The following MAOB variants were observed in gnomAD, a reference collection of about 807,000 sequenced individuals.
MAOB encodes amine oxidase [flavin-containing] B.
In MAOB, 15 loss-of-function variants were observed where a neutral mutation model predicts 41.9. The observed-to-expected ratio is 0.36, with a 90% confidence interval of 0.24 to 0.55. MAOB has a LOEUF of 0.55. MAOB is among the 20% of genes least tolerant of loss of function. The probability of loss-of-function intolerance (pLI) is 0.86; values close to 1 mark genes in which losing one functional copy is unlikely to be tolerated. For synonymous variants in MAOB, 167 were observed against 144.2 expected, an observed-to-expected ratio of 1.16 and a Z score of -1.13; for missense variants, 345 against 398.7, an observed-to-expected ratio of 0.87 and a Z score of 1.15.
In MAOB at chrX:43,836,208, T is replaced by C. The variant is rs999058673; in HGVS notation, c.279+2660A>G. The stretch of plus-strand genomic sequence containing the variant: ...TTTCTCAACTACATTCTCTAGTATG[T>C]GGTAGGAGAAAGAATGTCGAAGTTC... On this transcript the variant is annotated intron_variant, in intron 3 of 14. Transcript: ENST00000378069. Among the ~76,000 whole-genome samples the C allele has an allele frequency of 2.7e-5, 3 of 111,722 alleles. No homozygotes were observed. In the Admixed American group the frequency reaches 2.9e-4, roughly 11 times the overall value.
At chrX:43,820,503 T>C (rs901468856) in intron 3 of MAOB, among the ~76,000 whole-genome samples, 5 of 112,201 alleles carry the variant, frequency 4.5e-5, no homozygotes, top group Non-Finnish European at 9.4e-5. Flanking sequence ...CCAAATACAA[T>C]AGCATTTACA....
intron 11 of MAOB, 121 bp from the exon 12 acceptor site, chrX:43,775,393 C>T: frequency 9.5e-7 from 1 of 1,054,461 alleles, no homozygotes; most frequent in East Asian, 3.8e-5. Context: ...AATAGAGTTG[C>T]ATTATCCTGA....
chrX:43,775,055 G>GTTT (rs373072993), intron 12 of MAOB, 120 bp downstream of exon 12: 203 of 616,172 alleles, frequency 3.3e-4, no homozygotes, highest in Middle Eastern at 1.2e-3. Flanking sequence ...AAATTGGGTT[G>GTTT]TTTTTTTTTT....
chrX:43,777,117 C>T (rs1459721463), intron 11 of MAOB, among the ~76,000 whole-genome samples: 1 of 111,301 alleles, frequency 9.0e-6, no homozygotes, highest in African/African-American at 3.3e-5. Flanking sequence ...TAAACTAGTT[C>T]AACCACTGTG....
chrX:43,849,033 T>C (rs2035230954), intron 1 of MAOB, among the ~76,000 whole-genome samples: 1 of 111,948 alleles, frequency 8.9e-6, no homozygotes, highest in African/African-American at 3.3e-5. Flanking sequence ...ATATCACCAA[T>C]TTGACATCAA....
chrX:43,814,867 A>G (rs2034789724), intron 3 of MAOB, among the ~76,000 whole-genome samples: 1 of 111,999 alleles, frequency 8.9e-6, no homozygotes, highest in Admixed American at 9.5e-5. Flanking sequence ...AAATTAATTT[A>G]TTCTGAAAAA....
intron 1 of MAOB, among the ~76,000 whole-genome samples, chrX:43,872,210 C>T (rs1164541265): frequency 1.8e-5 from 2 of 111,756 alleles, no homozygotes; most frequent in African/African-American, 3.2e-5. Flanking sequence ...GTAGGCATAA[C>T]GTAGTAATTG....
intron 3 of MAOB, among the ~76,000 whole-genome samples, chrX:43,815,800 A>G (rs993532236): frequency 8.9e-6 from 1 of 111,841 alleles, no homozygotes; most frequent in African/African-American, 3.3e-5. Context: ...CCTTTGGAAA[A>G]CTGGCAGTAC....
chrX:43,881,354 A>G (rs960716169), intron 1 of MAOB, among the ~76,000 whole-genome samples: 2 of 113,118 alleles, frequency 1.8e-5, no homozygotes, highest in African/African-American at 6.4e-5. Flanking sequence ...TGTCCTAATT[A>G]CTGCTCAAGT....
In MAOB at chrX:43,882,246, C is replaced by T; in HGVS notation, c.46+8G>A. ...GAAGAGGAAGGAGGGCGCACAGCCG[C>T]GACTAACCTGAGATGCCGCCCCCCA... On this transcript the variant is annotated splice_region_variant and intron_variant, in intron 1 of 14. Coordinates refer to ENST00000378069, the MANE Select transcript of MAOB (RefSeq NM_000898.5). 2 of 1,209,249 alleles carry T rather than the reference C, an allele frequency of 1.7e-6. No homozygotes were observed. The highest frequency in any genetic ancestry group is 2.2e-6 in the Non-Finnish European group (2 of 894,434).
At chrX:43,838,799 A>G in intron 3 of MAOB, 69 bp downstream of exon 3, 1 of 995,511 alleles carries the variant, frequency 1.0e-6, no homozygotes, top group Non-Finnish European at 1.3e-6. Flanking sequence ...TGAGAGAATG[A>G]TCTGGAATTT....
chrX:43,825,173 C>T (rs935582002), intron 3 of MAOB, among the ~76,000 whole-genome samples: 13 of 111,564 alleles, frequency 1.2e-4, no homozygotes, highest in African/African-American at 3.9e-4. Context: ...GTATTTACAC[C>T]GTGCAAAATC....
intron 1 of MAOB, among the ~76,000 whole-genome samples, chrX:43,864,565 A>T (rs1266885095): frequency 8.9e-6 from 1 of 111,790 alleles, no homozygotes; most frequent in Non-Finnish European, 1.9e-5. Context: ...TGATGAGTGG[A>T]TTTATTCCTG....
At chrX:43,803,435 A>C in intron 3 of MAOB, 31 bp from the exon 4 acceptor site, 3 of 1,159,745 alleles carry the variant, frequency 2.6e-6, no homozygotes, top group Non-Finnish European at 3.4e-6. Context: ...TTAAAAGGAA[A>C]TATTTACTAC....
At chrX:43,785,482 T>C (rs193032532) in intron 8 of MAOB, among the ~76,000 whole-genome samples, 1 of 112,960 alleles carries the variant, frequency 8.9e-6, no homozygotes, top group East Asian at 2.8e-4. Flanking sequence ...TGTTTCACTT[T>C]CTTATCATTC....
chrX:43,784,695 T>C (rs1365864802), intron 8 of MAOB, among the ~76,000 whole-genome samples: 2 of 112,048 alleles, frequency 1.8e-5, no homozygotes, highest in Non-Finnish European at 3.8e-5. Flanking sequence ...TAAATGGACA[T>C]TGACTTCAAC....
In MAOB at chrX:43,775,281, T is replaced by C. The variant is rs180812382; in HGVS notation, c.1138-9A>G. The C allele has an allele frequency of 5.0e-4, 600 of 1,199,342 alleles. 1 individual carries two copies. In the East Asian group the frequency reaches 9.3e-3, roughly 19 times the overall value. On this transcript the variant is annotated splice_polypyrimidine_tract_variant and intron_variant, in intron 11 of 14. Coordinates refer to ENST00000378069, the MANE Select transcript of MAOB (RefSeq NM_000898.5). Reference sequence around the variant, plus strand: ...TCTTCATAATGCACTGGCTGCAAGATAGAGCAACAAAAACTTGAAGGAGAC... The same window carrying C: ...TCTTCATAATGCACTGGCTGCAAGACAGAGCAACAAAAACTTGAAGGAGAC...
intron 1 of MAOB, among the ~76,000 whole-genome samples, chrX:43,868,485 G>A (rs1347142268): frequency 8.9e-6 from 1 of 111,831 alleles, no homozygotes; most frequent in Non-Finnish European, 1.9e-5. Flanking sequence ...AACAAGGGGA[G>A]AGAAGCAGGA....
intron 3 of MAOB, among the ~76,000 whole-genome samples, chrX:43,808,767 C>G (rs1430388816): frequency 9.1e-6 from 1 of 110,232 alleles, no homozygotes; most frequent in Non-Finnish European, 1.9e-5. Flanking sequence ...TGCAGTTGCA[C>G]AATCTTGGCT....
Sources: gnomAD v4.1 joint callset for allele counts (sites outside exome capture counted in the v4.1 genomes callset) on GRCh38, gnomAD v4.1.1 for gene constraint, MANE v1.5 for transcripts, NCBI Gene and HGNC (gene_info 2026-07-23, HGNC 2026-07-21) for gene names.